WNT7B: variants seen among roughly 807,000 people sequenced by gnomAD.
The protein encoded by WNT7B is Wnt family member 7B, also known as protein Wnt-7b.
WNT7B carries 19 observed loss-of-function variants against 38.2 expected under a neutral mutation model. The ratio of observed to expected loss-of-function variants is 0.50; its 90% CI spans 0.35 to 0.73. The LOEUF (loss-of-function observed/expected upper bound fraction) is 0.73, where lower values mean the gene tolerates loss of function less well. Among genes scored for constraint, WNT7B ranks in the 30% least tolerant of loss-of-function variants. The pLI, the probability that WNT7B is intolerant of heterozygous loss-of-function variation, is 0.01. For synonymous variants in WNT7B, 243 were observed against 209.3 expected (o/e 1.16, Z -1.39); for missense variants, 423 against 507.9 (o/e 0.83, Z 1.61).
rs1932526410 is a variant in WNT7B, at chr22:45,975,266, G to T, written c.71+1418C>A. The stretch of plus-strand genomic sequence containing the variant: ...TTAAGGGTTGCCATCACTTTGAGGG[G>T]CCCAGCGGGAGTCACTGCAGGACTG... On this transcript the variant is annotated intron_variant, in intron 1 of 3. Coordinates refer to ENST00000339464, the MANE Select transcript of WNT7B (RefSeq NM_058238.3). The surrounding 1 kb of genome is among the most constrained non-coding windows in gnomAD (Gnocchi z 6.6). Among the ~76,000 whole-genome samples, 1 of 152,260 alleles carries T rather than the reference G, an allele frequency of 6.6e-6. No homozygotes were observed. Among genetic ancestry groups the T allele is most frequent in the Admixed American group, 6.5e-5 (1 of 15,302 alleles).
intron 1 of WNT7B, among the ~76,000 whole-genome samples, chr22:45,971,640 G>A (rs1231006506): frequency 2.0e-5 from 3 of 152,244 alleles, no homozygotes; most frequent in Non-Finnish European, 4.4e-5. Context: ...GGCGCGAGAA[G>A]CCGCAGCGAC....
chr22:45,971,936 A>T (rs958677425), intron 1 of WNT7B, among the ~76,000 whole-genome samples: 4 of 152,082 alleles, frequency 2.6e-5, no homozygotes, highest in African/African-American at 7.2e-5. Flanking sequence ...CTTTGACCCC[A>T]GAGCCAGGAC....
chr22:45,950,957 G>A lies in WNT7B; in HGVS notation c.72-811C>T, dbSNP rs567521214. Among the ~76,000 whole-genome samples the A allele has an allele frequency of 3.9e-5, 6 of 152,364 alleles. No individual in the cohort carries two copies. The South Asian group carries it at 8.3e-4, about 21-fold the overall frequency. On this transcript the variant is annotated intron_variant, in intron 1 of 3. Transcript: ENST00000339464. ...CTGCAGCCTTGCAGTGGTCCACTGA[G>A]GGGAACTTTGTCATTAATCTCCTAG...
chr22:45,929,160 TCTC>T (rs774266664), intron 3 of WNT7B, among the ~76,000 whole-genome samples: 22 of 152,224 alleles, frequency 1.4e-4, no homozygotes, highest in African/African-American at 5.1e-4. Flanking sequence ...AGCCTTGCCT[TCTC>T]CTCTTTCTCC....
Position 45,976,611 on chromosome 22 carries a change from G to A in WNT7B, c.71+73C>T, listed in dbSNP as rs1213627320. On this transcript the variant is annotated intron_variant, in intron 1 of 3. Transcript: ENST00000339464. This position sits in a 1 kb window ranked among gnomAD's most constrained non-coding sequence, Gnocchi z 8.5. ...CCCCCTCCAGTCCCCACGTCCCCAC[G>A]GGGACGCCCCGGAGGCAGCTCCTTC... The A allele has an allele frequency of 2.6e-6, 4 of 1,519,430 alleles. No individual in the cohort carries two copies. The highest frequency in any genetic ancestry group is 3.8e-5 in the Admixed American group (2 of 53,318). 94.1% of individuals were successfully genotyped at this position (1,519,430 alleles called of 1,614,324 possible). A position where few individuals can be genotyped will look rare whatever the true frequency, so the allele number is the denominator to read the frequency against.
chr22:45,948,831 T>C (rs915273304), intron 2 of WNT7B, among the ~76,000 whole-genome samples: 13 of 102,742 alleles, frequency 1.3e-4, no homozygotes, highest in African/African-American at 9.9e-4. Context: ...AGATCCCTTT[T>C]TTTTTTTTTT....
At chr22:45,944,673 C>G (rs1931751820) in intron 2 of WNT7B, among the ~76,000 whole-genome samples, 2 of 152,378 alleles carry the variant, frequency 1.3e-5, no homozygotes, top group South Asian at 4.1e-4. Context: ...CTGGGCCCAG[C>G]AGGCATTGCC....
intron 2 of WNT7B, among the ~76,000 whole-genome samples, chr22:45,949,413 C>G (rs1311826556): frequency 6.6e-6 from 1 of 151,308 alleles, no homozygotes; most frequent in East Asian, 2.0e-4. Flanking sequence ...TCACTCGGCT[C>G]CCTCTACCCA....
At chr22:45,931,525 G>A (rs577153282) in intron 2 of WNT7B, among the ~76,000 whole-genome samples, 156 bp from the exon 3 acceptor site, 48 of 152,322 alleles carry the variant, frequency 3.2e-4, no homozygotes, top group South Asian at 6.2e-4. Context: ...TCACCAAAGC[G>A]GGGCTGATGG....
Position 45,976,583 on chromosome 22 carries a change from T to C in WNT7B, c.71+101A>G. The C allele has an allele frequency of 7.8e-7, 1 of 1,288,568 alleles. No homozygotes were observed. The highest frequency in any genetic ancestry group is 1.3e-5 in the South Asian group (1 of 78,332). The allele number at this position is 1,288,568 out of a possible 1,614,324, so 79.8% of individuals were successfully genotyped here. On this transcript the variant is annotated intron_variant, in intron 1 of 3. Coordinates refer to ENST00000339464, the MANE Select transcript of WNT7B (RefSeq NM_058238.3). The surrounding 1 kb of genome is among the most constrained non-coding windows in gnomAD (Gnocchi z 8.5). The stretch of plus-strand genomic sequence containing the variant: ...AGCCCCGGAGCCCAGAGAGCTGCAG[T>C]GGCCCCCTCCAGTCCCCACGTCCCC...
Position 45,938,122 on chromosome 22 carries a change from G to A in WNT7B, c.299-6753C>T, listed in dbSNP as rs912875240. ...AGAAAAGGTGGTATAGATACACAAT[G>A]GAGTATTACTCAGCCATGAAAAAGA... On this transcript the variant is annotated intron_variant, in intron 2 of 3. Transcript: ENST00000339464. Among the ~76,000 whole-genome samples, 5 of 152,210 alleles carry A rather than the reference G, an allele frequency of 3.3e-5. No individual in the cohort carries two copies. In the East Asian group the frequency reaches 9.6e-4, roughly 29 times the overall value.
chr22:45,929,158 CTTCTCCTCT>C (rs570551423), intron 3 of WNT7B, among the ~76,000 whole-genome samples: 5 of 152,276 alleles, frequency 3.3e-5, no homozygotes, highest in East Asian at 1.9e-4. Flanking sequence ...TCAGCCTTGC[CTTCTCCTCT>C]TTCTCCTCCT....
In WNT7B at chr22:45,966,400, G is replaced by A. The variant is rs116926704; in HGVS notation, c.71+10284C>T. On this transcript the variant is annotated intron_variant, in intron 1 of 3. Coordinates refer to ENST00000339464, the MANE Select transcript of WNT7B (RefSeq NM_058238.3). The surrounding 1 kb of genome is among the most constrained non-coding windows in gnomAD (Gnocchi z 4.2). ...TGAGACACCACCAGTCCTTGTGCCC[G>A]GGCTCCCTCCGGCCTGGCCCATTCA... Among the ~76,000 whole-genome samples, 332 of 152,316 alleles carry A rather than the reference G, an allele frequency of 2.2e-3. No individual in the cohort carries two copies. The highest frequency in any genetic ancestry group is 3.8e-3 in the Non-Finnish European group (259 of 68,028).
In WNT7B at chr22:45,966,920, A is replaced by G. The variant is rs577582345; in HGVS notation, c.71+9764T>C. ...ACCCTCCCCAGCATCCCCGGCCCTCACTCCTGCATCTGCTTGTATGCCTCC... is the reference window on the plus strand; with the variant it reads ...ACCCTCCCCAGCATCCCCGGCCCTCGCTCCTGCATCTGCTTGTATGCCTCC... On this transcript the variant is annotated intron_variant, in intron 1 of 3. Transcript: ENST00000339464. The surrounding 1 kb of genome is among the most constrained non-coding windows in gnomAD (Gnocchi z 4.2). 8.0e-5 allele frequency among the ~76,000 whole-genome samples: 12 copies of G among 149,868 alleles called. 1 individual carries two copies. The South Asian group carries it at 2.6e-3, about 33-fold the overall frequency.
chr22:45,932,165 C>T lies in WNT7B; in HGVS notation c.299-796G>A, dbSNP rs1441692693. On this transcript the variant is annotated intron_variant, in intron 2 of 3. Coordinates refer to ENST00000339464, the MANE Select transcript of WNT7B (RefSeq NM_058238.3). ...GTCCCTCGCTGGCACCTTCACTGCT[C>T]CCCTCTGCCGGTAGAGCCAAGCCCA... Among the ~76,000 whole-genome samples, 3 of 152,220 alleles carry T rather than the reference C, an allele frequency of 2.0e-5. 1 individual carries two copies. Among genetic ancestry groups the T allele is most frequent in the Admixed American group, 2.0e-4 (3 of 15,282 alleles).
intron 2 of WNT7B, among the ~76,000 whole-genome samples, chr22:45,944,422 C>T (rs1931746222): frequency 6.6e-6 from 1 of 152,232 alleles, no homozygotes; most frequent in Non-Finnish European, 1.5e-5. Flanking sequence ...AGGGGCAGCC[C>T]CGGCCTCGTC....
intron 1 of WNT7B, chr22:45,954,671 C>T (rs1342036538): frequency 1.0e-6 from 1 of 985,294 alleles, no homozygotes; most frequent in Non-Finnish European, 1.2e-6. Context: ...GGCTCCTGCA[C>T]TGTATTTTGT....
chr22:45,928,343 A>G (rs1446329267), intron 3 of WNT7B, among the ~76,000 whole-genome samples: 1 of 152,106 alleles, frequency 6.6e-6, no homozygotes, highest in African/African-American at 2.4e-5. Context: ...CCGTGATGCC[A>G]CCACCCTCGG....
chr22:45,952,938 G>A (rs1931968411), intron 1 of WNT7B, among the ~76,000 whole-genome samples: 1 of 152,226 alleles, frequency 6.6e-6, no homozygotes, highest in Admixed American at 6.5e-5. Context: ...TCCCAGCTGT[G>A]TCTGCTGGTC....
Sources: allele counts gnomAD v4.1 joint callset (sites outside exome capture counted in the v4.1 genomes callset), GRCh38; gene constraint gnomAD v4.1.1; non-coding constraint Gnocchi (gnomAD v3.1); transcripts MANE v1.5; gene names NCBI Gene and HGNC (gene_info 2026-07-23, HGNC 2026-07-21).